Variants in VIPR2 observed in about 807,000 individuals in gnomAD.
VIPR2 encodes the protein vasoactive intestinal polypeptide receptor 2.
A neutral mutation model predicts 58.0 loss-of-function variants in VIPR2; 48 were observed. The ratio of observed to expected loss-of-function variants is 0.83; its 90% confidence interval spans 0.66 to 1.05. VIPR2 has a LOEUF of 1.05. VIPR2 is among the 50% of genes least tolerant of loss of function. VIPR2 has a pLI of 0.00. For synonymous variants in VIPR2, 243 were observed against 235.2 expected (o/e 1.03, Z -0.30); for missense variants, 534 against 558.0 (o/e 0.96, Z 0.43).
chr7:159,122,196 A>G (rs56376138), intron 2 of VIPR2, among the ~76,000 whole-genome samples: 31,027 of 152,122 alleles, frequency 0.2, 3,400 homozygotes, highest in African/African-American at 0.28. Context: ...TGCACTGGGA[A>G]ATGCACCAGC....
In VIPR2 at chr7:159,070,269, G is replaced by T. The variant is rs181469878; in HGVS notation, c.358-11691C>A. Among the ~76,000 whole-genome samples, 37 of 152,232 alleles carry T rather than the reference G, an allele frequency of 2.4e-4. 1 individual carries two copies. The East Asian group carries it at 5.6e-3, about 23-fold the overall frequency. On this transcript the variant is annotated intron_variant, in intron 4 of 12. Coordinates refer to ENST00000262178, the MANE Select transcript of VIPR2 (RefSeq NM_003382.5). The stretch of plus-strand genomic sequence containing the variant: ...CCAAGCAGCCGCCCCTGCATCCAGG[G>T]CTGCACGGAGGACTCCGCACACGAC...
rs1857896023 is a variant in VIPR2 at position 159,097,007 on chromosome 7, C to T, written c.357+6750G>A. 1 of 1,550,578 alleles carries T rather than the reference C, an allele frequency of 6.4e-7. No homozygotes were observed. Among genetic ancestry groups the T allele is most frequent in the Non-Finnish European group, 8.7e-7 (1 of 1,146,980 alleles). On this transcript the variant is annotated intron_variant, in intron 4 of 12. Coordinates refer to ENST00000262178, the MANE Select transcript of VIPR2 (RefSeq NM_003382.5). The surrounding 1 kb of genome is among the most constrained non-coding windows in gnomAD (Gnocchi z 5.3). ...GAGGCTTCCTTCAGAAAAGCTGCTG[C>T]TCTCAGAGGTGATTTGGGGCAGGCC... is the stretch of plus-strand genomic sequence containing the variant.
intron 6 of VIPR2, 36 bp from the exon 7 acceptor site, chr7:159,036,938 C>T: frequency 6.3e-7 from 1 of 1,593,256 alleles, no homozygotes; most frequent in Non-Finnish European, 8.6e-7. Flanking sequence ...AAAGCATGAC[C>T]TCATCCGGTA....
intron 7 of VIPR2, 33 bp from the exon 8 acceptor site, chr7:159,036,045 C>T (rs751236201): frequency 7.5e-5 from 121 of 1,605,612 alleles, no homozygotes; most frequent in Middle Eastern, 3.6e-4. Flanking sequence ...ACAGGTGGAG[C>T]GGAGCGGTGT....
Position 159,096,815 on chromosome 7 carries a change from C to T in VIPR2, c.357+6942G>A. 6.9e-7 allele frequency: 1 copy of T among 1,456,000 alleles called. No individual in the cohort carries two copies. Among genetic ancestry groups the T allele is most frequent in the Non-Finnish European group, 9.1e-7 (1 of 1,095,196 alleles). The allele number at this position is 1,456,000 out of a possible 1,614,324, so 90.2% of individuals were successfully genotyped here. ...GTGGCCCCCGCAGCAGCCACAGGCC[C>T]AGCTCTTGTCCCGGCCCACCTCGGG... On this transcript the variant is annotated intron_variant, in intron 4 of 12. Coordinates refer to ENST00000262178, the MANE Select transcript of VIPR2 (RefSeq NM_003382.5). The surrounding 1 kb of genome is among the most constrained non-coding windows in gnomAD (Gnocchi z 5.5).
intron 2 of VIPR2, among the ~76,000 whole-genome samples, chr7:159,113,801 G>A (rs1263194359): frequency 6.6e-6 from 1 of 152,216 alleles, no homozygotes; most frequent in Non-Finnish European, 1.5e-5. Flanking sequence ...AATGGCACAG[G>A]AGAGATAGAT....
chr7:159,112,422 A>G (rs1250424964), intron 2 of VIPR2, among the ~76,000 whole-genome samples: 1 of 152,254 alleles, frequency 6.6e-6, no homozygotes, highest in African/African-American at 2.4e-5. Flanking sequence ...ACCTCCTGGC[A>G]ACAGCTGCCA....
intron 4 of VIPR2, among the ~76,000 whole-genome samples, chr7:159,102,669 T>C (rs1431405054): frequency 6.6e-6 from 1 of 152,192 alleles, no homozygotes; most frequent in African/African-American, 2.4e-5. Context: ...CAGGCAGCAT[T>C]GCCACCATCC....
chr7:159,063,489 C>A (rs978492297), intron 4 of VIPR2, among the ~76,000 whole-genome samples: 2 of 151,988 alleles, frequency 1.3e-5, no homozygotes, highest in Non-Finnish European at 2.9e-5. Context: ...CGCGCACAGC[C>A]CCGGTTCCCG....
At chr7:159,119,364 G>A (rs1037492577) in intron 2 of VIPR2, among the ~76,000 whole-genome samples, 26 of 152,322 alleles carry the variant, frequency 1.7e-4, no homozygotes, top group African/African-American at 5.3e-4. Context: ...CTGGGTGCAC[G>A]GGGCCTCGAC....
intron 4 of VIPR2, among the ~76,000 whole-genome samples, chr7:159,068,320 G>C (rs1452002443): frequency 6.6e-6 from 1 of 152,168 alleles, no homozygotes; most frequent in African/African-American, 2.4e-5. Flanking sequence ...CCTTTAAGGG[G>C]AATAGAACTA....
chr7:159,118,421 C>G (rs1796325439), intron 2 of VIPR2, among the ~76,000 whole-genome samples: 1 of 152,212 alleles, frequency 6.6e-6, no homozygotes, highest in Non-Finnish European at 1.5e-5. Context: ...AGGGAACGAG[C>G]TTAAAACACA....
intron 2 of VIPR2, among the ~76,000 whole-genome samples, chr7:159,114,496 C>G (rs554544898): frequency 7.9e-5 from 12 of 152,292 alleles, no homozygotes; most frequent in African/African-American, 2.9e-4. Context: ...ATCATAAAAT[C>G]AAAGGTCGCT....
intron 4 of VIPR2, among the ~76,000 whole-genome samples, chr7:159,091,276 T>G (rs1390672511): frequency 6.6e-6 from 1 of 152,212 alleles, no homozygotes; most frequent in South Asian, 2.1e-4. Context: ...TCTCGACTGC[T>G]CGTGGGAATC....
intron 4 of VIPR2, among the ~76,000 whole-genome samples, chr7:159,069,606 C>T (rs1324029719): frequency 2.0e-5 from 3 of 148,040 alleles, no homozygotes; most frequent in Non-Finnish European, 4.5e-5. Flanking sequence ...CAATCCTGGT[C>T]TCCAACCCTG....
At chr7:159,114,372 A>G (rs1353186327) in intron 2 of VIPR2, among the ~76,000 whole-genome samples, 1 of 152,034 alleles carries the variant, frequency 6.6e-6, no homozygotes, top group Non-Finnish European at 1.5e-5. Context: ...CTGAGATTTC[A>G]TGAAACAAAG....
At chr7:159,074,218 G>A (rs1856537737) in intron 4 of VIPR2, among the ~76,000 whole-genome samples, 1 of 152,168 alleles carries the variant, frequency 6.6e-6, no homozygotes, top group African/African-American at 2.4e-5. Flanking sequence ...TGCACAAAGT[G>A]TAAAATATCT....
At position 159,031,588 on chromosome 7, in the gene VIPR2, G is replaced by C. The variant is rs1338412188; in HGVS notation, c.1143+240C>G. On this transcript the variant is annotated intron_variant, in intron 12 of 12. Coordinates refer to ENST00000262178, the MANE Select transcript of VIPR2 (RefSeq NM_003382.5). The surrounding 1 kb of genome is among the most constrained non-coding windows in gnomAD (Gnocchi z 4.0). ...TTCCCGAGAGGGCTCCGAGACGGAC[G>C]GCAGTCGATGCTACTTAGGGTGGAC... 2.0e-6 allele frequency: 2 copies of C among 985,288 alleles called. No homozygotes were observed. The highest frequency in any genetic ancestry group is 6.1e-5 in the Admixed American group (1 of 16,266). 61.0% of individuals were successfully genotyped at this position (985,288 alleles called of 1,614,324 possible).
At chr7:159,103,380 A>G (rs1858417887) in intron 4 of VIPR2, among the ~76,000 whole-genome samples, 1 of 152,194 alleles carries the variant, frequency 6.6e-6, no homozygotes, top group South Asian at 2.1e-4. Flanking sequence ...AATGCCCCAG[A>G]ATGTGGCAAA....
Sources: allele counts gnomAD v4.1 joint callset (sites outside exome capture counted in the v4.1 genomes callset), GRCh38; gene constraint gnomAD v4.1.1; non-coding constraint Gnocchi (gnomAD v3.1); transcripts MANE v1.5; gene names NCBI Gene and HGNC (gene_info 2026-07-23, HGNC 2026-07-21).